RARB: variants seen among roughly 807,000 people sequenced by gnomAD.
RARB encodes retinoic acid receptor beta, also known as HBV-activated protein.
In RARB, 17 loss-of-function variants were observed where a neutral mutation model predicts 51.9. The observed-to-expected ratio is 0.33, with a 90% CI of 0.22 to 0.49. RARB has a LOEUF of 0.49. RARB is among the 20% of genes least tolerant of loss of function. The pLI, the probability that RARB is intolerant of heterozygous loss-of-function variation, is 0.99. For missense variants in RARB, 369 were observed against 550.8 expected (o/e 0.67, Z 3.30); for synonymous variants, 215 against 195.4 (o/e 1.10, Z -0.84).
chr3:25,552,977 C>G (rs962773504), intron 3 of RARB, among the ~76,000 whole-genome samples: 13 of 151,960 alleles, frequency 8.6e-5, no homozygotes, highest in African/African-American at 2.9e-4. Flanking sequence ...AATGACATAC[C>G]TTTTAAGGTA....
intron 5 of RARB, among the ~76,000 whole-genome samples, chr3:25,296,075 G>A (rs1175530278): frequency 6.6e-6 from 1 of 152,156 alleles, no homozygotes; most frequent in African/African-American, 2.4e-5. Flanking sequence ...AGCAAAGTAT[G>A]TTCAAGGATG....
At chr3:25,349,255 C>T (rs1417817354) in intron 5 of RARB, among the ~76,000 whole-genome samples, 1 of 152,156 alleles carries the variant, frequency 6.6e-6, no homozygotes, top group Non-Finnish European at 1.5e-5. Flanking sequence ...GAATTAATTG[C>T]TTTGCTTTTC....
intron 5 of RARB, among the ~76,000 whole-genome samples, chr3:25,223,909 C>T (rs766749493): frequency 4.6e-5 from 7 of 152,158 alleles, no homozygotes; most frequent in Non-Finnish European, 1.0e-4. Context: ...AGTACATTTA[C>T]TATGCACTGT....
chr3:25,146,511 G>GTTTTT (rs1197635626), intron 4 of RARB, among the ~76,000 whole-genome samples: 4 of 134,522 alleles, frequency 3.0e-5, no homozygotes, highest in African/African-American at 1.1e-4. Context: ...TTGTTTGTTT[G>GTTTTT]TTTTTTTTTT....
intron 4 of RARB, among the ~76,000 whole-genome samples, chr3:25,170,237 TACA>T (rs1700622136): frequency 6.6e-6 from 1 of 152,216 alleles, no homozygotes; most frequent in Admixed American, 6.5e-5. Context: ...AATTAGTTGC[TACA>T]ACAAGAGAGT....
chr3:25,459,469 G>A (rs1471720234), intron 1 of RARB, among the ~76,000 whole-genome samples: 1 of 152,202 alleles, frequency 6.6e-6, no homozygotes, highest in Non-Finnish European at 1.5e-5. Context: ...TCTAATTGGT[G>A]ACTATTGGAG....
In RARB at chr3:24,968,337, G is replaced by A. The variant is rs1170886626; in HGVS notation, c.-379-91788G>A. 4.6e-5 allele frequency among the ~76,000 whole-genome samples: 7 copies of A among 152,024 alleles called. No individual in the cohort carries two copies. In the East Asian group the frequency reaches 1.2e-3, roughly 25 times the overall value. ...CTGGGTACAAGATCTTCATTCTTTT[G>A]CTAAGACTATAGTTCTCTTGTTTCC... On this transcript the variant is annotated intron_variant, in intron 2 of 11. Coordinates refer to the RARB transcript ENST00000383772.
At chr3:25,511,281 C>T (rs1034549459) in intron 3 of RARB, among the ~76,000 whole-genome samples, 8 of 152,146 alleles carry the variant, frequency 5.3e-5, no homozygotes, top group South Asian at 2.1e-4. Context: ...TACAGGCGCC[C>T]GCCACCACGC....
At chr3:25,155,310 C>A (rs1240150135) in intron 4 of RARB, among the ~76,000 whole-genome samples, 2 of 152,142 alleles carry the variant, frequency 1.3e-5, no homozygotes, top group Admixed American at 1.3e-4. Flanking sequence ...CACACGTAAA[C>A]TTTATTTGCA....
chr3:25,282,069 G>A (rs1055272485), intron 5 of RARB, among the ~76,000 whole-genome samples: 3 of 152,190 alleles, frequency 2.0e-5, no homozygotes, highest in South Asian at 4.1e-4. Context: ...TTATGCAAAG[G>A]CAATATATCA....
chr3:25,355,228 C>T (rs1234872260), intron 5 of RARB, among the ~76,000 whole-genome samples: 1 of 152,076 alleles, frequency 6.6e-6, no homozygotes, highest in South Asian at 2.1e-4. Flanking sequence ...GACATCCTGT[C>T]AGAATCAAGC....
chr3:24,949,586 G>A (rs78535493), intron 2 of RARB, among the ~76,000 whole-genome samples: 7 of 152,262 alleles, frequency 4.6e-5, no homozygotes, highest in East Asian at 3.9e-4. Context: ...ATTTTGAGGC[G>A]AGAATATGTA....
intron 2 of RARB, among the ~76,000 whole-genome samples, chr3:25,029,803 T>C (rs1399597573): frequency 6.6e-6 from 1 of 152,188 alleles, no homozygotes; most frequent in Non-Finnish European, 1.5e-5. Flanking sequence ...TACTATTTCA[T>C]CCAAATGGGA....
At chr3:24,852,614 G>A (rs1360112306) in intron 1 of RARB, among the ~76,000 whole-genome samples, 5 of 152,104 alleles carry the variant, frequency 3.3e-5, no homozygotes, top group Non-Finnish European at 5.9e-5. Context: ...AATGTCCACC[G>A]AATGGTGAAT....
intron 5 of RARB, among the ~76,000 whole-genome samples, chr3:25,383,553 T>C (rs1192451680): frequency 6.6e-6 from 1 of 152,232 alleles, no homozygotes; most frequent in African/African-American, 2.4e-5. Flanking sequence ...CTTTGTATGA[T>C]GATGCAAATG....
intron 2 of RARB, among the ~76,000 whole-genome samples, chr3:24,890,697 T>C (rs1703361062): frequency 6.6e-6 from 1 of 152,196 alleles, no homozygotes; most frequent in Non-Finnish European, 1.5e-5. Flanking sequence ...AATAGACATA[T>C]GGAATGGTAC....
chr3:25,085,078 G>T (rs1318040854), intron 3 of RARB, among the ~76,000 whole-genome samples: 1 of 152,122 alleles, frequency 6.6e-6, no homozygotes, highest in Admixed American at 6.5e-5. Flanking sequence ...TTTGAAGACA[G>T]TATAAGACAT....
chr3:25,077,886 T>G (rs1376679403), intron 3 of RARB, among the ~76,000 whole-genome samples: 1 of 152,228 alleles, frequency 6.6e-6, no homozygotes, highest in Non-Finnish European at 1.5e-5. Flanking sequence ...AGCCATGTTT[T>G]TGGTATAAAG....
intron 2 of RARB, among the ~76,000 whole-genome samples, chr3:25,059,931 G>A (rs932925034): frequency 3.3e-5 from 5 of 151,668 alleles, no homozygotes; most frequent in Admixed American, 6.6e-5. Flanking sequence ...GTGAGTTGTC[G>A]GTGAAAATGA....
Sources: allele counts gnomAD v4.1 joint callset (sites outside exome capture counted in the v4.1 genomes callset), GRCh38; gene constraint gnomAD v4.1.1; transcripts MANE v1.5; gene names NCBI Gene and HGNC (gene_info 2026-07-23, HGNC 2026-07-21).